The following ENTREP2 variants were observed in gnomAD, a reference collection of about 807,000 sequenced individuals.
ENTREP2 encodes the protein protein ENTREP2.
the ENTREP2 span, among the ~76,000 whole-genome samples, chr15:29,322,733 C>T: frequency 0.041 from 6,196 of 152,286 alleles, 406 homozygotes; most frequent in African/African-American, 0.14. Context: ...CTCCTTTTCA[C>T]GTGCAACACG....
the ENTREP2 span, among the ~76,000 whole-genome samples, chr15:29,638,581 A>C: frequency 6.6e-6 from 1 of 152,216 alleles, no homozygotes. Flanking sequence ...CTGTGCAATT[A>C]ATAAAAAACA....
At chr15:29,252,476 T>G in the ENTREP2 span, 1 of 1,538,380 alleles carries the variant, frequency 6.5e-7, no homozygotes, top group East Asian at 2.5e-5. Flanking sequence ...TGAAAAAGGT[T>G]ATCTGGAAAC....
At chr15:29,191,920 T>C in the ENTREP2 span, among the ~76,000 whole-genome samples, 4 of 151,736 alleles carry the variant, frequency 2.6e-5, no homozygotes, top group Non-Finnish European at 5.9e-5. Flanking sequence ...CTCAAAAGAG[T>C]TTGTTAAGTC....
the ENTREP2 span, among the ~76,000 whole-genome samples, chr15:29,596,964 T>G: frequency 5.9e-5 from 9 of 152,016 alleles, no homozygotes; most frequent in Non-Finnish European, 1.5e-5. Context: ...GCCACCGCAC[T>G]CGGCTCCTAA....
the ENTREP2 span, among the ~76,000 whole-genome samples, chr15:29,141,414 T>C: frequency 3.2e-4 from 48 of 152,322 alleles, no homozygotes; most frequent in South Asian, 1.7e-3. Flanking sequence ...ATCATTAGTA[T>C]GAGCTCATCC....
chr15:29,561,174 G>C, the ENTREP2 span, among the ~76,000 whole-genome samples: 36,915 of 149,586 alleles, frequency 0.25, 5,166 homozygotes, highest in East Asian at 0.48. Flanking sequence ...CAGCCATTAC[G>C]GAAAACAGCA....
chr15:29,243,246 C>T, the ENTREP2 span, among the ~76,000 whole-genome samples: 1 of 152,062 alleles, frequency 6.6e-6, no homozygotes, highest in Non-Finnish European at 1.5e-5. Flanking sequence ...AAAAACTATT[C>T]CTATACAAAG....
the ENTREP2 span, among the ~76,000 whole-genome samples, chr15:29,310,728 G>A: frequency 6.6e-6 from 1 of 152,024 alleles, no homozygotes; most frequent in South Asian, 2.1e-4. Context: ...CAGAAACAGA[G>A]CTTGAAAATG....
the ENTREP2 span, among the ~76,000 whole-genome samples, chr15:29,127,354 C>T: frequency 3.3e-5 from 5 of 152,188 alleles, no homozygotes; most frequent in Admixed American, 1.3e-4. Context: ...GCATGGGGGA[C>T]ACTTCATAGA....
the ENTREP2 span, among the ~76,000 whole-genome samples, chr15:29,655,554 A>G: frequency 6.6e-6 from 1 of 152,234 alleles, no homozygotes; most frequent in Non-Finnish European, 1.5e-5. Flanking sequence ...CAAGAGAGCC[A>G]GACTTAGATA....
the ENTREP2 span, among the ~76,000 whole-genome samples, chr15:29,303,508 C>G: frequency 1.3e-5 from 2 of 151,576 alleles, no homozygotes; most frequent in Non-Finnish European, 2.9e-5. Flanking sequence ...TATAGGGGTA[C>G]TTTTTTTAGG....
chr15:29,433,104 C>CT, the ENTREP2 span, among the ~76,000 whole-genome samples: 1 of 152,180 alleles, frequency 6.6e-6, no homozygotes, highest in Non-Finnish European at 1.5e-5. Flanking sequence ...GCCAAGGAAC[C>CT]TGCCTGGGCC....
At chr15:29,206,435 G>A in the ENTREP2 span, among the ~76,000 whole-genome samples, 1 of 152,110 alleles carries the variant, frequency 6.6e-6, no homozygotes, top group African/African-American at 2.4e-5. Context: ...TTATGCTGGT[G>A]ATGCTCAAGG....
At chr15:29,401,413 C>T in the ENTREP2 span, among the ~76,000 whole-genome samples, 1 of 152,032 alleles carries the variant, frequency 6.6e-6, no homozygotes, top group South Asian at 2.1e-4. Context: ...AATGCGTAGA[C>T]CTACTGAATT....
chr15:29,500,618 A>G, the ENTREP2 span, among the ~76,000 whole-genome samples: 1 of 152,104 alleles, frequency 6.6e-6, no homozygotes. Flanking sequence ...AGCAGTGCTC[A>G]GAGGGAAATT....
At chr15:29,620,005 A>AG in the ENTREP2 span, among the ~76,000 whole-genome samples, 1 of 152,120 alleles carries the variant, frequency 6.6e-6, no homozygotes, top group Non-Finnish European at 1.5e-5. Flanking sequence ...GTGTCTGTGA[A>AG]GCCTCAGAAG....
At chr15:29,556,776 C>A in the ENTREP2 span, among the ~76,000 whole-genome samples, 1 of 148,076 alleles carries the variant, frequency 6.8e-6, no homozygotes, top group African/African-American at 2.5e-5. Flanking sequence ...CCCCCCCGCC[C>A]CACATGTGGA....
At chr15:29,593,522 A>G in the ENTREP2 span, among the ~76,000 whole-genome samples, 1 of 152,214 alleles carries the variant, frequency 6.6e-6, no homozygotes, top group East Asian at 1.9e-4. Context: ...TCTTCACCAG[A>G]AGCTGTTCTC....
the ENTREP2 span, among the ~76,000 whole-genome samples, chr15:29,619,907 C>G: frequency 6.6e-6 from 1 of 152,082 alleles, no homozygotes; most frequent in African/African-American, 2.4e-5. Context: ...TCCCATGACT[C>G]ACAGTTTGCT....
Sources: allele counts gnomAD v4.1 joint callset (sites outside exome capture counted in the v4.1 genomes callset), GRCh38; gene constraint gnomAD v4.1.1; transcripts MANE v1.5; gene names NCBI Gene and HGNC (gene_info 2026-07-23, HGNC 2026-07-21).